PDE3B: variants seen among roughly 807,000 people sequenced by gnomAD.
The protein encoded by PDE3B is cGMP-inhibited 3',5'-cyclic phosphodiesterase 3B.
Under a neutral mutation model 116.8 loss-of-function variants are expected in PDE3B, and 66 were observed. The observed-to-expected ratio is 0.56, with a 90% CI of 0.46 to 0.69. The LOEUF (loss-of-function observed/expected upper bound fraction) is 0.69. Among genes scored for constraint, PDE3B ranks in the 30% least tolerant of loss-of-function variants. PDE3B has a pLI of 0.00. For missense variants in PDE3B, 1,384 were observed against 1,368.1 expected (o/e 1.01, Z -0.18); for synonymous variants, 595 against 533.6 (o/e 1.12, Z -1.59).
At chr11:14,849,382 C>A (rs1273498752) in intron 12 of PDE3B, among the ~76,000 whole-genome samples, 3 of 152,032 alleles carry the variant, frequency 2.0e-5, no homozygotes, top group Non-Finnish European at 4.4e-5. Flanking sequence ...ACCATAAAAA[C>A]CCTAGAAGAA....
intron 1 of PDE3B, among the ~76,000 whole-genome samples, 168 bp from the exon 2 acceptor site, chr11:14,771,766 GATT>G (rs199552310): frequency 0.013 from 1,954 of 151,556 alleles, 17 homozygotes; most frequent in Admixed American, 0.025. Context: ...CTCAATTATA[GATT>G]ATATTAATGA....
intron 5 of PDE3B, among the ~76,000 whole-genome samples, chr11:14,815,786 CTT>C (rs1411291953): frequency 2.0e-5 from 3 of 151,870 alleles, no homozygotes; most frequent in Admixed American, 6.6e-5. Context: ...TAGCAAAAGA[CTT>C]GAATGAGGAT....
chr11:14,690,314 A>C (rs549815397), intron 1 of PDE3B, among the ~76,000 whole-genome samples: 7 of 152,346 alleles, frequency 4.6e-5, no homozygotes, highest in South Asian at 2.1e-4. Flanking sequence ...TGACATTACC[A>C]GTAGTAGTTT....
chr11:14,801,969 G>A (rs573565146), intron 4 of PDE3B, among the ~76,000 whole-genome samples: 2 of 152,332 alleles, frequency 1.3e-5, no homozygotes, highest in East Asian at 3.9e-4. Flanking sequence ...AATGGCAGAT[G>A]CCCCTCCTTC....
intron 2 of PDE3B, among the ~76,000 whole-genome samples, chr11:14,784,977 A>G (rs148714328): frequency 7.9e-5 from 12 of 152,258 alleles, no homozygotes; most frequent in African/African-American, 9.6e-5. Context: ...TAAATATTAT[A>G]AGGAACATTT....
At position 14,823,396 on chromosome 11, in the gene PDE3B, A is replaced by AG. The variant is rs558126097; in HGVS notation, c.1807+4191dup. On this transcript the variant is annotated intron_variant, in intron 7 of 15. Transcript: ENST00000282096. Reference sequence around the variant, plus strand: ...TTGCTGGGATGGAGTTCCCAGAGGGAGGGGCAAGCTGCCATCTTTGCTGTT... The same window carrying AG: ...TTGCTGGGATGGAGTTCCCAGAGGGAGGGGGCAAGCTGCCATCTTTGCTGTT... Among the ~76,000 whole-genome samples, 553 of 152,180 alleles carry AG rather than the reference A, an allele frequency of 3.6e-3. 4 individuals are homozygous for AG. Among genetic ancestry groups the AG allele is most frequent in the African/African-American group, 0.013 (521 of 41,514 alleles).
intron 1 of PDE3B, among the ~76,000 whole-genome samples, chr11:14,753,768 C>T (rs1436203578): frequency 6.6e-6 from 1 of 151,802 alleles, no homozygotes; most frequent in Non-Finnish European, 1.5e-5. Flanking sequence ...AAAATATACA[C>T]AACAACTTAA....
chr11:14,868,812 T>C (rs950101050), intron 15 of PDE3B, among the ~76,000 whole-genome samples: 42 of 152,112 alleles, frequency 2.8e-4, no homozygotes, highest in African/African-American at 9.9e-4. Flanking sequence ...GGCATTAGCA[T>C]CTGAAGGTTG....
chr11:14,843,720 G>A, intron 11 of PDE3B, 107 bp from the exon 12 acceptor site: 1 of 790,908 alleles, frequency 1.3e-6, no homozygotes, highest in Non-Finnish European at 2.1e-6. Context: ...ACTTAAATCA[G>A]CAAATAAAAT....
intron 15 of PDE3B, among the ~76,000 whole-genome samples, chr11:14,868,245 T>C (rs188933199): frequency 2.6e-5 from 4 of 152,354 alleles, no homozygotes; most frequent in Admixed American, 2.6e-4. Flanking sequence ...TCACAGTACC[T>C]GTGCATGCAC....
intron 12 of PDE3B, among the ~76,000 whole-genome samples, chr11:14,850,239 C>CA (rs1847714393): frequency 6.7e-6 from 1 of 150,306 alleles, no homozygotes. Context: ...ATCGCAAGAA[C>CA]AAAAAACCAA....
chr11:14,731,396 C>G, intron 1 of PDE3B, among the ~76,000 whole-genome samples: 1 of 151,690 alleles, frequency 6.6e-6, no homozygotes. Flanking sequence ...GTAGCTGGGA[C>G]TGCAGGTGCC....
chr11:14,762,612 G>A (rs988504835), intron 1 of PDE3B, among the ~76,000 whole-genome samples: 5 of 152,164 alleles, frequency 3.3e-5, no homozygotes, highest in African/African-American at 1.2e-4. Flanking sequence ...TGTGACTTAA[G>A]CTTTAAGAGG....
At chr11:14,652,343 G>A (rs1378696318) in intron 1 of PDE3B, among the ~76,000 whole-genome samples, 2 of 152,088 alleles carry the variant, frequency 1.3e-5, no homozygotes, top group Non-Finnish European at 2.9e-5. Flanking sequence ...AGGTCTATAC[G>A]TCTGTGTTTC....
chr11:14,650,873 T>C (rs1320470876), intron 1 of PDE3B, among the ~76,000 whole-genome samples: 2 of 151,942 alleles, frequency 1.3e-5, no homozygotes, highest in African/African-American at 4.8e-5. Context: ...CCAGAAAGTA[T>C]TGAAGCCCCA....
intron 10 of PDE3B, among the ~76,000 whole-genome samples, chr11:14,833,061 C>T (rs1859946870): frequency 6.6e-6 from 1 of 151,974 alleles, no homozygotes; most frequent in Non-Finnish European, 1.5e-5. Context: ...AGTGATTCTC[C>T]TGTCTTGGCC....
chr11:14,756,751 C>CT (rs1565123415), intron 1 of PDE3B, among the ~76,000 whole-genome samples: 2 of 151,768 alleles, frequency 1.3e-5, no homozygotes, highest in Non-Finnish European at 2.9e-5. Context: ...GCAATCTGGA[C>CT]TACATATACT....
At chr11:14,656,635 G>T (rs1404711264) in intron 1 of PDE3B, among the ~76,000 whole-genome samples, 6 of 152,112 alleles carry the variant, frequency 3.9e-5, no homozygotes, top group African/African-American at 1.4e-4. Context: ...TATAAATTAG[G>T]GGTAATCACA....
intron 1 of PDE3B, among the ~76,000 whole-genome samples, chr11:14,675,380 T>A (rs1789306345): frequency 6.6e-6 from 1 of 151,996 alleles, no homozygotes; most frequent in Non-Finnish European, 1.5e-5. Flanking sequence ...TTTGCTTATT[T>A]AAAAAAAATT....
Sources: allele counts gnomAD v4.1 joint callset (sites outside exome capture counted in the v4.1 genomes callset), GRCh38; gene constraint gnomAD v4.1.1; transcripts MANE v1.5; gene names NCBI Gene and HGNC (gene_info 2026-07-23, HGNC 2026-07-21).